ANKRD10: variants seen among roughly 807,000 people sequenced by gnomAD.
The protein encoded by ANKRD10 is ankyrin repeat domain-containing protein 10.
In ANKRD10, 14 loss-of-function variants were observed where a neutral mutation model predicts 27.0. That is an observed-to-expected ratio of 0.52 (90% confidence interval 0.34 to 0.81). ANKRD10 has a LOEUF of 0.81. ANKRD10 is among the 40% of genes least tolerant of loss of function. The pLI is 0.01. For missense variants in ANKRD10, 493 were observed against 544.0 expected (o/e 0.91, Z 0.93); for synonymous variants, 250 against 224.5 (o/e 1.11, Z -1.01).
At chr13:110,900,445 A>T in intron 3 of ANKRD10, 1 of 1,038,322 alleles carries the variant, frequency 9.6e-7, no homozygotes, top group Non-Finnish European at 1.2e-6. Context: ...AGATATCATA[A>T]ATTAGGTAAG....
At chr13:110,909,557 T>G (rs1468594998) in intron 2 of ANKRD10, among the ~76,000 whole-genome samples, 1 of 152,214 alleles carries the variant, frequency 6.6e-6, no homozygotes, top group Non-Finnish European at 1.5e-5. Context: ...CATTTCAGTT[T>G]AGTAACAAAC....
intron 3 of ANKRD10, chr13:110,894,154 T>C (rs776370294): frequency 1.9e-6 from 3 of 1,612,338 alleles, no homozygotes; most frequent in East Asian, 2.2e-5. Context: ...TAACTCCATG[T>C]TGAAGTTCCC....
intron 3 of ANKRD10, chr13:110,900,397 T>C: frequency 1.6e-5 from 8 of 491,208 alleles, no homozygotes; most frequent in Non-Finnish European, 2.2e-5. Flanking sequence ...AAAATTCTGA[T>C]CTCAACTTAG....
chr13:110,890,389 G>GA (rs1364054779), intron 4 of ANKRD10, among the ~76,000 whole-genome samples: 1 of 152,142 alleles, frequency 6.6e-6, no homozygotes, highest in Non-Finnish European at 1.5e-5. Flanking sequence ...TTCCCATAGG[G>GA]AAACGAGTGG....
intron 4 of ANKRD10, among the ~76,000 whole-genome samples, chr13:110,891,547 A>T (rs1197427217): frequency 6.6e-6 from 1 of 152,232 alleles, no homozygotes; most frequent in Non-Finnish European, 1.5e-5. Flanking sequence ...ATAGTTGTGA[A>T]GTACATAATA....
intron 4 of ANKRD10, among the ~76,000 whole-genome samples, chr13:110,891,327 T>G (rs933356211): frequency 1.1e-4 from 17 of 152,286 alleles, no homozygotes; most frequent in Admixed American, 3.9e-4. Flanking sequence ...AAAAAATATA[T>G]TAAAACATGG....
chr13:110,879,906 C>T lies in ANKRD10; in HGVS notation c.994G>A (p.Glu332Lys). The T allele has an allele frequency of 6.2e-7, 1 of 1,614,256 alleles. No homozygotes were observed. Among genetic ancestry groups the T allele is most frequent in the Non-Finnish European group, 8.5e-7 (1 of 1,180,050 alleles). Residue 332 changes from glutamate (E) to lysine (K), a missense_variant, in exon 6 of 6, where the codon GAG becomes AAG. Coordinates refer to ENST00000267339, the MANE Select transcript of ANKRD10 (RefSeq NM_017664.4). Reference sequence around the variant, plus strand: ...GCTCTCAGGGTCTTCTCTGGCTCCTCAGTCCCACTAATGCAGAGAGAACCC... The same window carrying T: ...GCTCTCAGGGTCTTCTCTGGCTCCTTAGTCCCACTAATGCAGAGAGAACCC... ...SQGSLCISGT[E>K]EPEKTLRANP...
At chr13:110,910,122 TGTCA>T (rs1445434055) in intron 2 of ANKRD10, among the ~76,000 whole-genome samples, 3 of 152,356 alleles carry the variant, frequency 2.0e-5, no homozygotes, top group South Asian at 2.1e-4. Context: ...ATTATGTTCC[TGTCA>T]GTATGTTTAA....
chr13:110,896,164 C>T (rs901730172), intron 3 of ANKRD10, among the ~76,000 whole-genome samples: 3 of 152,120 alleles, frequency 2.0e-5, no homozygotes, highest in Non-Finnish European at 4.4e-5. Flanking sequence ...GGACAGGTAT[C>T]GGAATCTAGG....
At chr13:110,898,695 C>T (rs939817264) in intron 3 of ANKRD10, among the ~76,000 whole-genome samples, 7 of 151,982 alleles carry the variant, frequency 4.6e-5, no homozygotes, top group Non-Finnish European at 8.8e-5. Context: ...ACTTCAGCCT[C>T]CTGAGTAGCT....
chr13:110,892,976 A>T, intron 4 of ANKRD10, 52 bp downstream of exon 4: 1 of 1,598,982 alleles, frequency 6.3e-7, no homozygotes, highest in Non-Finnish European at 8.5e-7. Context: ...AAGAAAACAT[A>T]TTACAGAAAG....
intron 4 of ANKRD10, among the ~76,000 whole-genome samples, chr13:110,887,449 G>A (rs1186119537): frequency 6.6e-6 from 1 of 152,182 alleles, no homozygotes; most frequent in African/African-American, 2.4e-5. Context: ...CTGACACACA[G>A]GAAAACAGGA....
At chr13:110,881,998 C>A (rs34204108) in intron 5 of ANKRD10, among the ~76,000 whole-genome samples, 6,076 of 152,192 alleles carry the variant, frequency 0.04, 248 homozygotes, top group South Asian at 0.19. Flanking sequence ...GTCTGCCCGG[C>A]CAGCCCTCGG....
In ANKRD10 at chr13:110,893,167, A is replaced by G; in HGVS notation, c.552T>C (p.His184=). The G allele has an allele frequency of 6.2e-7, 1 of 1,614,228 alleles. No homozygotes were observed. The highest frequency in any genetic ancestry group is 8.5e-7 in the Non-Finnish European group (1 of 1,180,026). ...AQFLLNLQNC[H]LNHFYNNGIL... ...TGCCATTGTTATAGAAATGGTTCAG[A>G]TGACAATTCTGGAGGTTCAAGAGAA... The change falls in exon 4 of 6, where the codon CAT becomes CAC. Residue 184 remains histidine (H), a synonymous_variant. Coordinates refer to ENST00000267339, the MANE Select transcript of ANKRD10 (RefSeq NM_017664.4).
chr13:110,887,528 C>T (rs2064963837), intron 4 of ANKRD10, among the ~76,000 whole-genome samples: 1 of 152,146 alleles, frequency 6.6e-6, no homozygotes, highest in Non-Finnish European at 1.5e-5. Flanking sequence ...CAACTTTAAT[C>T]TTTACATAAA....
In ANKRD10 at chr13:110,879,575, T is replaced by G; in HGVS notation, c.*62A>C. On this transcript the variant is annotated 3_prime_UTR_variant, in exon 6 of 6. Coordinates refer to ENST00000267339, the MANE Select transcript of ANKRD10 (RefSeq NM_017664.4). ...GACATTCGTTCAAGTTGCTGCTACA[T>G]GGGTATTCTGAGCTGGCTACCAGGA... 2.4e-6 allele frequency: 3 copies of G among 1,261,852 alleles called. No homozygotes were observed. The highest frequency in any genetic ancestry group is 2.3e-6 in the Non-Finnish European group (2 of 883,052). The allele number at this position is 1,261,852 out of a possible 1,614,324, so 78.2% of individuals were successfully genotyped here.
intron 3 of ANKRD10, chr13:110,903,614 T>C (rs1403027729): frequency 6.5e-6 from 1 of 153,320 alleles, no homozygotes; most frequent in Admixed American, 6.5e-5. Context: ...TATTATTATG[T>C]ACCTGATGTC....
intron 3 of ANKRD10, chr13:110,894,234 G>A (rs779508989): frequency 4.0e-6 from 6 of 1,496,310 alleles, no homozygotes; most frequent in Middle Eastern, 3.4e-4. Flanking sequence ...GTTAGCTGCA[G>A]GTTGATAAAC....
At chr13:110,895,333 G>C (rs1166048534) in intron 3 of ANKRD10, 1 of 152,264 alleles carries the variant, frequency 6.6e-6, no homozygotes, top group African/African-American at 2.4e-5. Flanking sequence ...TGTAATCCCA[G>C]CACTTTGGGA....
Sources: allele counts gnomAD v4.1 joint callset (sites outside exome capture counted in the v4.1 genomes callset), GRCh38; gene constraint gnomAD v4.1.1; transcripts MANE v1.5; gene names NCBI Gene and HGNC (gene_info 2026-07-23, HGNC 2026-07-21).